The following IQSEC1 variants were observed in gnomAD, a reference collection of about 807,000 sequenced individuals.
The protein encoded by IQSEC1 is IQ motif and Sec7 domain ArfGEF 1.
Under a neutral mutation model 91.0 loss-of-function variants are expected in IQSEC1, and 31 were observed. That is an observed-to-expected ratio of 0.34 (90% confidence interval 0.26 to 0.46). The LOEUF (loss-of-function observed/expected upper bound fraction) is 0.46. IQSEC1 is among the 20% of genes least tolerant of loss of function. IQSEC1 has a pLI of 1.00. For missense variants in IQSEC1, 1,388 were observed against 1,575.6 expected, an observed-to-expected ratio of 0.88 and a Z score of 2.02; for synonymous variants, 699 against 662.6, an observed-to-expected ratio of 1.05 and a Z score of -0.84.
intron 2 of IQSEC1, among the ~76,000 whole-genome samples, chr3:13,089,954 G>A (rs912432288): frequency 2.6e-5 from 4 of 152,206 alleles, no homozygotes; most frequent in South Asian, 2.1e-4. Context: ...GGTGGCTCAC[G>A]CCTGTAATCC....
At chr3:13,191,919 G>A (rs911901074) in intron 1 of IQSEC1, among the ~76,000 whole-genome samples, 10 of 152,134 alleles carry the variant, frequency 6.6e-5, no homozygotes, top group African/African-American at 2.4e-4. Context: ...ATGAATATTT[G>A]ATGAATATTG....
intron 1 of IQSEC1, among the ~76,000 whole-genome samples, chr3:13,172,299 G>A (rs545871478): frequency 5.9e-5 from 9 of 152,290 alleles, no homozygotes; most frequent in South Asian, 4.1e-4. Context: ...GTGTGGGAGC[G>A]GGGCCTGGCA....
Position 12,915,686 on chromosome 3 carries a change from A to G in IQSEC1, c.2068T>C (p.Tyr690His). 1 of 1,614,142 alleles carries G rather than the reference A, an allele frequency of 6.2e-7. No homozygotes were observed. The highest frequency in any genetic ancestry group is 1.3e-5 in the African/African-American group (1 of 75,040). The change falls in exon 7 of 14, where the codon TAT (tyrosine) becomes CAT (histidine). Residue 690 changes from tyrosine (Y) to histidine (H), a missense_variant. This residue lies in a region of IQSEC1 where 1,059 missense variants were observed against 1,317.8 expected (regional missense o/e 0.80). Coordinates refer to ENST00000613206, the MANE Select transcript of IQSEC1 (RefSeq NM_001134382.3). ...AGCTCTCGCTTACGGATCCGTTCAT[A>G]GATCCCCATCAGCATCTCACGGGGA... is the stretch of plus-strand genomic sequence containing the variant. Reference protein sequence around the residue: ...DIPREMLMGIYERIRKRELKT... With the variant: ...DIPREMLMGIHERIRKRELKT...
chr3:12,945,303 G>A (rs1452901395), intron 1 of IQSEC1, among the ~76,000 whole-genome samples: 1 of 152,000 alleles, frequency 6.6e-6, no homozygotes, highest in Non-Finnish European at 1.5e-5. Context: ...TGGCTGCCCT[G>A]GGTCAGCAGG....
intron 1 of IQSEC1, among the ~76,000 whole-genome samples, chr3:13,029,129 C>G (rs182470400): frequency 1.3e-5 from 2 of 152,330 alleles, no homozygotes; most frequent in Non-Finnish European, 2.9e-5. Flanking sequence ...AAGCCTCTAG[C>G]CTTGAAAGTT....
In IQSEC1 at chr3:13,282,331, G is replaced by A. The variant is rs1454519086; in HGVS notation, c.272+380C>T. On this transcript the variant is annotated intron_variant, in intron 1 of 15. Coordinates refer to the IQSEC1 transcript ENST00000648114. This position sits in a 1 kb window ranked among gnomAD's most constrained non-coding sequence, Gnocchi z 6.4. ...CTACCGGTCTCGGGATCTCTGGGTC[G>A]GAAGTTCTCGCCCTGCTGCTCCGAG... is the stretch of plus-strand genomic sequence containing the variant. Among the ~76,000 whole-genome samples, 1 of 152,126 alleles carries A rather than the reference G, an allele frequency of 6.6e-6. No homozygotes were observed. The highest frequency in any genetic ancestry group is 2.4e-5 in the African/African-American group (1 of 41,446).
At chr3:13,079,549 C>T (rs747286050) in intron 2 of IQSEC1, among the ~76,000 whole-genome samples, 2 of 152,314 alleles carry the variant, frequency 1.3e-5, no homozygotes, top group South Asian at 2.1e-4. Flanking sequence ...TTGCCAGTGT[C>T]GTGGAGACAG....
At chr3:12,917,150 T>C (rs1363568578) in intron 6 of IQSEC1, among the ~76,000 whole-genome samples, 1 of 152,214 alleles carries the variant, frequency 6.6e-6, no homozygotes, top group Admixed American at 6.5e-5. Context: ...AGACTTCCCA[T>C]GTATGCCCTG....
intron 1 of IQSEC1, among the ~76,000 whole-genome samples, chr3:13,047,180 T>G (rs554711548): frequency 5.3e-5 from 8 of 152,140 alleles, no homozygotes; most frequent in Non-Finnish European, 1.0e-4. Flanking sequence ...TCGGAAGAAC[T>G]ATCAGCTGCA....
intron 1 of IQSEC1, among the ~76,000 whole-genome samples, chr3:13,247,564 T>C (rs1695129150): frequency 6.6e-6 from 1 of 152,340 alleles, no homozygotes; most frequent in Admixed American, 6.5e-5. Flanking sequence ...TTCTTCAGCC[T>C]GGAGCTGAAG....
chr3:13,233,867 C>T (rs1181885101), intron 1 of IQSEC1, among the ~76,000 whole-genome samples: 1 of 152,294 alleles, frequency 6.6e-6, no homozygotes, highest in Admixed American at 6.5e-5. Context: ...CCTCTCTGTG[C>T]CCTGTAACAT....
chr3:12,903,632 T>G (rs1273055979), intron 12 of IQSEC1, among the ~76,000 whole-genome samples: 1 of 152,158 alleles, frequency 6.6e-6, no homozygotes, highest in Non-Finnish European at 1.5e-5. Flanking sequence ...TGGCTCTGGG[T>G]GCGTAGGGCC....
chr3:12,961,293 C>G (rs1700228381), intron 1 of IQSEC1, among the ~76,000 whole-genome samples: 1 of 152,236 alleles, frequency 6.6e-6, no homozygotes, highest in African/African-American at 2.4e-5. Context: ...ACCTTGATGT[C>G]CTAACACCTC....
At chr3:13,185,256 C>T (rs191667555) in intron 1 of IQSEC1, among the ~76,000 whole-genome samples, 108 of 152,280 alleles carry the variant, frequency 7.1e-4, no homozygotes, top group African/African-American at 2.6e-3. Flanking sequence ...CTTCCCCAGG[C>T]TGTTTAGAAG....
intron 1 of IQSEC1, among the ~76,000 whole-genome samples, chr3:13,218,447 C>T (rs150950492): frequency 1.6e-3 from 241 of 152,324 alleles, no homozygotes; most frequent in African/African-American, 5.3e-3. Context: ...GAAAACTACT[C>T]GAACCATTCA....
At chr3:12,906,280 C>T (rs537316084) in intron 12 of IQSEC1, among the ~76,000 whole-genome samples, 19 of 152,286 alleles carry the variant, frequency 1.2e-4, no homozygotes, top group African/African-American at 4.6e-4. Context: ...GTTTCAGGCT[C>T]AGTGCTGTGA....
At chr3:13,064,000 G>GC (rs1559244708) in intron 1 of IQSEC1, among the ~76,000 whole-genome samples, 8 of 107,082 alleles carry the variant, frequency 7.5e-5, no homozygotes, top group African/African-American at 1.7e-4. Context: ...ATTTGCAGTT[G>GC]TAAAAAAAAA....
intron 1 of IQSEC1, among the ~76,000 whole-genome samples, chr3:13,281,836 C>T (rs1442639690): frequency 1.3e-5 from 2 of 152,208 alleles, no homozygotes; most frequent in Non-Finnish European, 2.9e-5. Flanking sequence ...CGGGTGATCC[C>T]GAAGACAGAG....
rs1357360207 is a variant in IQSEC1, at chr3:12,924,908, G to A, written c.1569-166C>T. Among the ~76,000 whole-genome samples the A allele has an allele frequency of 2.6e-5, 4 of 152,184 alleles. No homozygotes were observed. The highest frequency in any genetic ancestry group is 9.7e-5 in the African/African-American group (4 of 41,440). On this transcript the variant is annotated intron_variant, in intron 3 of 13. Transcript: ENST00000613206. The surrounding 1 kb of genome is among the most constrained non-coding windows in gnomAD (Gnocchi z 6.3). ...GGGTCTCTAGTTCCATCTCCAGCCTGGGTGGGAACTCAAGAACCCAGGCTG... is the reference window on the plus strand; with the variant it reads ...GGGTCTCTAGTTCCATCTCCAGCCTAGGTGGGAACTCAAGAACCCAGGCTG...
Sources: allele counts gnomAD v4.1 joint callset (sites outside exome capture counted in the v4.1 genomes callset), GRCh38; gene constraint gnomAD v4.1.1; regional missense constraint gnomAD v4.1.1; non-coding constraint Gnocchi (gnomAD v3.1); transcripts MANE v1.5; gene names NCBI Gene and HGNC (gene_info 2026-07-23, HGNC 2026-07-21).